The following PIAS1 variants were observed in gnomAD, a reference collection of about 807,000 sequenced individuals.
PIAS1 encodes the protein protein inhibitor of activated STAT 1.
Under a neutral mutation model 71.3 loss-of-function variants are expected in PIAS1, and 6 were observed. That is an observed-to-expected ratio of 0.08 (90% CI 0.05 to 0.17). The LOEUF is 0.17. PIAS1 is among the 10% of genes least tolerant of loss of function. The pLI is 1.00. For synonymous variants in PIAS1, 303 were observed against 292.9 expected, an observed-to-expected ratio of 1.03 and a Z score of -0.35; for missense variants, 555 against 793.6, an observed-to-expected ratio of 0.70 and a Z score of 3.61.
Position 68,084,457 on chromosome 15 carries a change from C to T in PIAS1, c.25-1849C>T, listed in dbSNP as rs117079542. Among the ~76,000 whole-genome samples the T allele has an allele frequency of 5.5e-3, 830 of 152,088 alleles. 2 individuals carry two copies. The highest frequency in any genetic ancestry group is 0.015 in the East Asian group (78 of 5,186). On this transcript the variant is annotated intron_variant, in intron 1 of 13. Coordinates refer to ENST00000249636, the MANE Select transcript of PIAS1 (RefSeq NM_016166.3). ...TGAGTAGGGAGAAATTGATATCCTG[C>T]TGATATTATAGTTAGTAATTGTTTA...
chr15:68,091,010 TA>T, intron 2 of PIAS1, among the ~76,000 whole-genome samples: 1 of 148,322 alleles, frequency 6.7e-6, no homozygotes, highest in East Asian at 2.2e-4. Flanking sequence ...CTAGCTCACG[TA>T]ACCTGGCAGC....
At chr15:68,165,868 G>T (rs2092954489) in intron 8 of PIAS1, among the ~76,000 whole-genome samples, 1 of 151,990 alleles carries the variant, frequency 6.6e-6, no homozygotes, top group African/African-American at 2.4e-5. Flanking sequence ...AGAATGAAAG[G>T]ACATGTCTGT....
intron 8 of PIAS1, among the ~76,000 whole-genome samples, chr15:68,168,156 C>T (rs951667643): frequency 1.3e-5 from 2 of 151,822 alleles, no homozygotes; most frequent in Non-Finnish European, 2.9e-5. Flanking sequence ...TTACAGGCGC[C>T]TGTCACCACG....
Position 68,153,666 on chromosome 15 carries a change from T to A in PIAS1, c.905T>A (p.Ile302Lys). 2 of 1,576,402 alleles carry A rather than the reference T, an allele frequency of 1.3e-6. No homozygotes were observed. Among genetic ancestry groups the A allele is most frequent in the South Asian group, 2.2e-5 (2 of 90,258 alleles). The change falls in exon 7 of 14, where the codon ATA becomes AAA. Residue 302 changes from isoleucine (I) to lysine (K), a missense_variant. Ile to Lys is a moderately radical substitution (Grantham distance 102). This residue lies in a region of PIAS1 where 49 missense variants were observed against 129.2 expected (regional missense o/e 0.38). Coordinates refer to ENST00000249636, the MANE Select transcript of PIAS1 (RefSeq NM_016166.3). Reference sequence around the variant, plus strand: ...CTTCAGAGGTTACGAGCAAAGGGAATAAGGAATCCGGATCATTCTAGAGCT... The same window carrying A: ...CTTCAGAGGTTACGAGCAAAGGGAAAAAGGAATCCGGATCATTCTAGAGCT... The part of the protein sequence containing the change: ...VLLQRLRAKG[I>K]RNPDHSRALI...
intron 1 of PIAS1, among the ~76,000 whole-genome samples, chr15:68,077,346 G>A (rs891372800): frequency 1.3e-5 from 2 of 152,228 alleles, no homozygotes; most frequent in African/African-American, 4.8e-5. Context: ...TCACTTCTGA[G>A]TACTATGGAC....
At chr15:68,106,998 C>T (rs371053780) in intron 2 of PIAS1, among the ~76,000 whole-genome samples, 12 of 152,088 alleles carry the variant, frequency 7.9e-5, no homozygotes, top group Admixed American at 2.0e-4. Flanking sequence ...AAGATGCACT[C>T]GTGAGGAGAT....
intron 10 of PIAS1, among the ~76,000 whole-genome samples, chr15:68,176,159 G>A (rs955678546): frequency 5.9e-5 from 9 of 151,994 alleles, no homozygotes; most frequent in East Asian, 1.9e-4. Context: ...TGCTATCATC[G>A]TATTTAAGTA....
At chr15:68,061,908 C>A (rs2091962981) in intron 1 of PIAS1, among the ~76,000 whole-genome samples, 1 of 152,222 alleles carries the variant, frequency 6.6e-6, no homozygotes, top group South Asian at 2.1e-4. Context: ...TAGTTTGCGT[C>A]TTTTTGTTGG....
intron 2 of PIAS1, among the ~76,000 whole-genome samples, chr15:68,131,105 G>T (rs1448234152): frequency 1.3e-5 from 2 of 152,154 alleles, no homozygotes; most frequent in East Asian, 3.8e-4. Flanking sequence ...CTGACTCCAA[G>T]AATCCATTAG....
Position 68,098,141 on chromosome 15 carries a change from A to G in PIAS1, c.469+11391A>G, listed in dbSNP as rs976676433. ...TTGGGATGCCACCTTTGCAACACAC[A>G]CAGTCAAAAATTCACATGTAACTTT... On this transcript the variant is annotated intron_variant, in intron 2 of 13. Transcript: ENST00000249636. Among the ~76,000 whole-genome samples the G allele has an allele frequency of 3.9e-5, 6 of 152,324 alleles. 1 individual carries two copies. The highest frequency in any genetic ancestry group is 3.4e-3 in the Middle Eastern group (1 of 294).
chr15:68,078,378 GGTTTATTTCTTA>G, intron 1 of PIAS1, among the ~76,000 whole-genome samples: 1 of 152,200 alleles, frequency 6.6e-6, no homozygotes, highest in South Asian at 2.1e-4. Flanking sequence ...TTAGCCAGAA[GGTTTATTTCTTA>G]GTTTTTTTCT....
chr15:68,140,881 AAGT>A (rs1287763688), intron 2 of PIAS1, among the ~76,000 whole-genome samples: 14 of 151,746 alleles, frequency 9.2e-5, no homozygotes, highest in African/African-American at 3.4e-4. Context: ...TACCCTGGAA[AAGT>A]AGTATAAATA....
chr15:68,124,344 A>G (rs1183292071), intron 2 of PIAS1, among the ~76,000 whole-genome samples: 1 of 150,042 alleles, frequency 6.7e-6, no homozygotes, highest in Non-Finnish European at 1.5e-5. Flanking sequence ...TCTTTGGCCC[A>G]TTTACCACAG....
intron 13 of PIAS1, 64 bp downstream of exon 13, chr15:68,183,731 A>G (rs1054565794): frequency 8.9e-6 from 6 of 675,754 alleles, no homozygotes; most frequent in East Asian, 8.7e-5. Flanking sequence ...TGCGCCACAT[A>G]ATGACATTTT....
intron 2 of PIAS1, among the ~76,000 whole-genome samples, chr15:68,113,749 T>G (rs1476978825): frequency 6.6e-6 from 1 of 152,096 alleles, no homozygotes; most frequent in African/African-American, 2.4e-5. Flanking sequence ...TTATTAAGGA[T>G]GGGCTTATTA....
intron 2 of PIAS1, among the ~76,000 whole-genome samples, chr15:68,114,138 A>G (rs143389624): frequency 2.8e-3 from 422 of 152,168 alleles, no homozygotes; most frequent in African/African-American, 9.5e-3. Context: ...CATATGCTCA[A>G]TGTGAAGAAT....
At chr15:68,060,574 C>G (rs1351043074) in intron 1 of PIAS1, among the ~76,000 whole-genome samples, 1 of 152,072 alleles carries the variant, frequency 6.6e-6, no homozygotes, top group Non-Finnish European at 1.5e-5. Context: ...GACCGTGCCA[C>G]TGTACTCCAG....
rs999543520 is a variant in PIAS1, at chr15:68,167,207, G to C, written c.1008+2403G>C. On this transcript the variant is annotated intron_variant, in intron 8 of 13. Transcript: ENST00000249636. This position sits in a 1 kb window ranked among gnomAD's most constrained non-coding sequence, Gnocchi z 4.4. Reference sequence around the variant, plus strand: ...ATATGTATATTGTGTGTGTGTGTGTGTGTGTGTATGTGTAAAATGTATAAT... The same window carrying C: ...ATATGTATATTGTGTGTGTGTGTGTCTGTGTGTATGTGTAAAATGTATAAT... Among the ~76,000 whole-genome samples the C allele has an allele frequency of 1.3e-5, 2 of 152,000 alleles. No homozygotes were observed. Among genetic ancestry groups the C allele is most frequent in the African/African-American group, 4.8e-5 (2 of 41,332 alleles).
chr15:68,068,029 A>T (rs74020021), intron 1 of PIAS1, among the ~76,000 whole-genome samples: 4,107 of 152,228 alleles, frequency 0.027, 180 homozygotes, highest in African/African-American at 0.093. Context: ...GCATTCTTCA[A>T]AGAGGAGGAT....
Sources: allele counts gnomAD v4.1 joint callset (sites outside exome capture counted in the v4.1 genomes callset), GRCh38; gene constraint gnomAD v4.1.1; regional missense constraint gnomAD v4.1.1; non-coding constraint Gnocchi (gnomAD v3.1); transcripts MANE v1.5; gene names NCBI Gene and HGNC (gene_info 2026-07-23, HGNC 2026-07-21).